The following STYK1 variants were observed in gnomAD, a reference collection of about 807,000 sequenced individuals.
The protein encoded by STYK1 is STY kinase 1, also known as tyrosine-protein kinase STYK1.
A neutral mutation model predicts 48.1 loss-of-function variants in STYK1; 46 were observed. That is an observed-to-expected ratio of 0.96 (90% CI 0.75 to 1.22). The LOEUF is 1.22. STYK1 is among the 50% of genes most tolerant of loss of function. The pLI, the probability that STYK1 is intolerant of heterozygous loss-of-function variation, is 0.00. For missense variants in STYK1, 527 were observed against 521.1 expected (o/e 1.01, Z -0.11); for synonymous variants, 188 against 189.0 (o/e 0.99, Z 0.04).
rs372132527 is a variant in STYK1, at chr12:10,653,266, C to T, written c.-194-16070G>A. Among the ~76,000 whole-genome samples, 125 of 151,510 alleles carry T rather than the reference C, an allele frequency of 8.3e-4. 1 individual carries two copies. The highest frequency in any genetic ancestry group is 1.6e-3 in the African/African-American group (67 of 41,306). The stretch of plus-strand genomic sequence containing the variant: ...TTTTTTTTGTATTTTTTAGTAGGGA[C>T]GGGGTTTCACCATGTTAGCCAGGAT... On this transcript the variant is annotated intron_variant, in intron 1 of 10. Coordinates refer to ENST00000075503, the MANE Select transcript of STYK1 (RefSeq NM_018423.3).
chr12:10,649,047 T>TTA (rs1209392179), intron 1 of STYK1, among the ~76,000 whole-genome samples: 1 of 152,180 alleles, frequency 6.6e-6, no homozygotes, highest in Non-Finnish European at 1.5e-5. Context: ...CAAATGTCAA[T>TTA]TATATGTATG....
intron 1 of STYK1, among the ~76,000 whole-genome samples, chr12:10,671,638 C>T (rs1178800541): frequency 3.9e-5 from 6 of 152,290 alleles, no homozygotes; most frequent in East Asian, 3.9e-4. Flanking sequence ...TTCTGACCCC[C>T]AGAACTGTAA....
intron 1 of STYK1, among the ~76,000 whole-genome samples, chr12:10,647,045 T>G (rs545443160): frequency 1.3e-5 from 2 of 152,338 alleles, no homozygotes; most frequent in East Asian, 3.9e-4. Context: ...ATGGAGAACC[T>G]TTGCTAGGGC....
chr12:10,629,715 A>C (rs1404943140), intron 5 of STYK1, 41 bp from the exon 6 acceptor site: 1 of 1,611,500 alleles, frequency 6.2e-7, no homozygotes, highest in Admixed American at 1.7e-5. Flanking sequence ...CAGTCAGAGC[A>C]TCCTCGATGA....
chr12:10,624,541 C>G (rs554481597), intron 8 of STYK1, 110 bp downstream of exon 8: 1 of 949,524 alleles, frequency 1.1e-6, no homozygotes, highest in African/African-American at 1.6e-5. Context: ...TGTCTGATTT[C>G]TAAGTAGAGA....
At chr12:10,668,519 G>A (rs988051117) in intron 1 of STYK1, among the ~76,000 whole-genome samples, 19 of 141,936 alleles carry the variant, frequency 1.3e-4, no homozygotes, top group Admixed American at 7.9e-4. Context: ...GGGATTATAG[G>A]CACCTGTCAC....
intron 1 of STYK1, among the ~76,000 whole-genome samples, chr12:10,652,435 T>C (rs1565570415): frequency 6.6e-6 from 1 of 152,204 alleles, no homozygotes; most frequent in Non-Finnish European, 1.5e-5. Flanking sequence ...AGATAAAACA[T>C]ATGAAAGTAC....
At chr12:10,658,252 G>T (rs1029614699) in intron 1 of STYK1, among the ~76,000 whole-genome samples, 2 of 152,190 alleles carry the variant, frequency 1.3e-5, no homozygotes, top group African/African-American at 4.8e-5. Context: ...AACTGCTTAC[G>T]ATTGAATAGA....
intron 1 of STYK1, among the ~76,000 whole-genome samples, chr12:10,649,490 G>C (rs1947636513): frequency 1.3e-5 from 2 of 152,146 alleles, no homozygotes; most frequent in South Asian, 4.1e-4. Flanking sequence ...AGGTATATAT[G>C]GCAAGAGTAC....
intron 4 of STYK1, among the ~76,000 whole-genome samples, chr12:10,632,975 A>G (rs888222067): frequency 1.3e-5 from 2 of 152,212 alleles, no homozygotes; most frequent in East Asian, 1.9e-4. Flanking sequence ...GTCATATTAC[A>G]TATGAGATTT....
At chr12:10,622,562 T>TA in intron 9 of STYK1, 76 bp downstream of exon 9, 2 of 1,550,940 alleles carry the variant, frequency 1.3e-6, no homozygotes, top group Non-Finnish European at 1.8e-6. Context: ...TCAGAAAGCA[T>TA]ACATCATCCA....
At chr12:10,662,077 C>T (rs187635452) in intron 1 of STYK1, among the ~76,000 whole-genome samples, 268 of 152,276 alleles carry the variant, frequency 1.8e-3, no homozygotes, top group Non-Finnish European at 3.1e-3. Context: ...TATGGATTCA[C>T]CTATTCAGGA....
intron 4 of STYK1, among the ~76,000 whole-genome samples, chr12:10,633,254 G>A (rs905456886): frequency 7.9e-5 from 12 of 152,198 alleles, no homozygotes; most frequent in South Asian, 2.1e-4. Context: ...TTGTTTTGGC[G>A]AAGTGGTAGA....
At chr12:10,627,763 G>A in intron 6 of STYK1, 39 bp from the exon 7 acceptor site, 2 of 1,530,944 alleles carry the variant, frequency 1.3e-6, no homozygotes, top group South Asian at 1.2e-5. Context: ...TATCAAAATA[G>A]CACTCACAGA....
intron 1 of STYK1, among the ~76,000 whole-genome samples, chr12:10,662,021 T>C (rs1591703431): frequency 6.6e-6 from 1 of 152,190 alleles, no homozygotes; most frequent in Non-Finnish European, 1.5e-5. Flanking sequence ...TTCCCTACTC[T>C]GCTCCCTTCC....
intron 1 of STYK1, among the ~76,000 whole-genome samples, chr12:10,652,006 G>A (rs1303283982): frequency 1.3e-5 from 2 of 152,146 alleles, no homozygotes; most frequent in Non-Finnish European, 2.9e-5. Context: ...TACTTGAGGA[G>A]CTTTTTAAAA....
intron 2 of STYK1, 28 bp from the exon 3 acceptor site, chr12:10,634,714 AT>A (rs1947467360): frequency 1.4e-6 from 2 of 1,398,978 alleles, no homozygotes; most frequent in Non-Finnish European, 2.0e-6. Context: ...TTTGAAAAAA[AT>A]AAAATGAATG....
intron 4 of STYK1, 84 bp from the exon 5 acceptor site, chr12:10,631,392 G>A: frequency 2.0e-6 from 3 of 1,538,424 alleles, no homozygotes; most frequent in Non-Finnish European, 2.6e-6. Flanking sequence ...TGGCAAGGAG[G>A]TTCCTTCAGC....
intron 7 of STYK1, among the ~76,000 whole-genome samples, chr12:10,627,084 C>A (rs1056638251): frequency 6.6e-6 from 1 of 152,186 alleles, no homozygotes; most frequent in African/African-American, 2.4e-5. Flanking sequence ...TCTTCTCATT[C>A]ATCCTTTTCC....
Sources: gnomAD v4.1 joint callset for allele counts (sites outside exome capture counted in the v4.1 genomes callset) on GRCh38, gnomAD v4.1.1 for gene constraint, MANE v1.5 for transcripts, NCBI Gene and HGNC (gene_info 2026-07-23, HGNC 2026-07-21) for gene names.